Variants in ZNF84 observed in about 807,000 individuals in gnomAD.
ZNF84 encodes zinc finger protein 84.
ZNF84 carries 12 observed loss-of-function variants against 14.8 expected under a neutral mutation model. The ratio of observed to expected loss-of-function variants is 0.81; its 90% CI spans 0.52 to 1.31. ZNF84 has a LOEUF of 1.31. ZNF84 is among the 50% of genes most tolerant of loss of function. ZNF84 has a pLI of 0.00. For synonymous variants in ZNF84, 347 were observed against 291.1 expected (o/e 1.19, Z -1.96); for missense variants, 859 against 878.6 (o/e 0.98, Z 0.28).
In ZNF84 at chr12:133,057,679, A is replaced by G; in HGVS notation, c.964A>G (p.Asn322Asp). ...CACAGGAGAGAAACCCTATGGATGC[A>G]ATGAATGTGGGAGGGCCTTTAGTGA... is the stretch of plus-strand genomic sequence containing the variant. ...THTGEKPYGC[N>D]ECGRAFSEKS... The change falls in exon 5 of 5, where the codon AAT becomes GAT. Residue 322 changes from asparagine to aspartate, a missense_variant. Coordinates refer to ENST00000539354, the MANE Select transcript of ZNF84 (RefSeq NM_001289971.2). The G allele has an allele frequency of 6.2e-7, 1 of 1,614,080 alleles. No homozygotes were observed. Among genetic ancestry groups the G allele is most frequent in the Non-Finnish European group, 8.5e-7 (1 of 1,180,024 alleles).
chr12:133,049,996 C>T (rs1332840303), intron 4 of ZNF84, among the ~76,000 whole-genome samples: 4 of 152,350 alleles, frequency 2.6e-5, no homozygotes, highest in African/African-American at 9.6e-5. Context: ...GCATCCCACA[C>T]TACTCTGATC....
chr12:133,039,567 T>A (rs1953849697), intron 1 of ZNF84, among the ~76,000 whole-genome samples: 1 of 152,324 alleles, frequency 6.6e-6, no homozygotes, highest in East Asian at 1.9e-4. Context: ...TTAAACGCCT[T>A]ATAGGGTTGT....
chr12:133,056,499 T>C (rs1954161005), intron 4 of ZNF84, among the ~76,000 whole-genome samples: 1 of 152,124 alleles, frequency 6.6e-6, no homozygotes, highest in Admixed American at 6.5e-5. Flanking sequence ...ATGATCTGCC[T>C]GCCTCGGCCT....
At chr12:133,055,966 T>A (rs1288352296) in intron 4 of ZNF84, among the ~76,000 whole-genome samples, 2 of 152,170 alleles carry the variant, frequency 1.3e-5, no homozygotes, top group African/African-American at 2.4e-5. Context: ...CTGGGCATGG[T>A]GGTGCATGCC....
intron 2 of ZNF84, among the ~76,000 whole-genome samples, chr12:133,043,261 T>C (rs1953916828): frequency 6.6e-6 from 1 of 152,108 alleles, no homozygotes; most frequent in East Asian, 1.9e-4. Context: ...CACTGCAACC[T>C]CTGCCTCTAG....
rs1319802557 is a variant in ZNF84, at chr12:133,062,996, C to A, written c.*4064C>A. 29 of 658,942 alleles carry A rather than the reference C, an allele frequency of 4.4e-5. No homozygotes were observed. In the East Asian group the frequency reaches 7.9e-4, roughly 18 times the overall value. The allele number at this position is 658,942 out of a possible 1,614,324, so 40.8% of individuals were successfully genotyped here. A position where few individuals can be genotyped will look rare whatever the true frequency, so the allele number is the denominator to read the frequency against. ...ATCATTGCATGTTTTATCTTTCCCA[C>A]TAGAAAGCTTCTAGAAAGCTAGTAC... On this transcript the variant is annotated 3_prime_UTR_variant, in exon 5 of 5. Transcript: ENST00000539354.
At position 133,056,817 on chromosome 12, in the gene ZNF84, T is replaced by C. The variant is rs775178364; in HGVS notation, c.239-137T>C. On this transcript the variant is annotated intron_variant, in intron 4 of 4. Transcript: ENST00000539354. ...TGCAATACCTAGAAGATAGTTATTATACTTGGGACTTATTTCAGACTCGGA... is the reference window on the plus strand; with the variant it reads ...TGCAATACCTAGAAGATAGTTATTACACTTGGGACTTATTTCAGACTCGGA... 5,606 of 606,732 alleles carry C rather than the reference T, an allele frequency of 9.2e-3. 45 individuals are homozygous for C. The highest frequency in any genetic ancestry group is 0.013 in the Non-Finnish European group (4,621 of 358,500). The allele number at this position is 606,732 out of a possible 1,614,324, so 37.6% of individuals were successfully genotyped here.
chr12:133,058,524 T>C lies in ZNF84; in HGVS notation c.1809T>C (p.Leu603=), dbSNP rs1053989631. 3.7e-6 allele frequency: 6 copies of C among 1,613,856 alleles called. No homozygotes were observed. In the Admixed American group the frequency reaches 1.0e-4, roughly 27 times the overall value. Residue 603 remains leucine, a synonymous_variant, in exon 5 of 5, where the codon CTT becomes CTC. Coordinates refer to ENST00000539354, the MANE Select transcript of ZNF84 (RefSeq NM_001289971.2). ...GAGAGAAACCCTATGAATGCAGTCT[T>C]TGTAGGAAAGCTTTTTTTGAGAAGT... ...HTGEKPYECS[L]CRKAFFEKSE...
chr12:133,057,409 G>C lies in ZNF84; in HGVS notation c.694G>C (p.Asp232His). ...TAAACATCAGAGCAGACATATAAGA[G>C]ACATAGCCTTTGGCTGTGGTAATTG... Reference protein sequence around the residue: ...LIKHQSRHIRDIAFGCGNCGK... With the variant: ...LIKHQSRHIRHIAFGCGNCGK... The change falls in exon 5 of 5, where the codon GAC (aspartate) becomes CAC (histidine). Residue 232 changes from aspartate (D) to histidine (H), a missense_variant. Transcript: ENST00000539354. 6.2e-7 allele frequency: 1 copy of C among 1,614,170 alleles called. No homozygotes were observed. Among genetic ancestry groups the C allele is most frequent in the Non-Finnish European group, 8.5e-7 (1 of 1,180,040 alleles).
rs1224038735 is a variant in ZNF84 at position 133,048,813 on chromosome 12, T to A, written c.203T>A (p.Val68Glu). ...FKLEQGEEPW[V>E]GDGEIPSSDS... is the part of the protein sequence containing the mutation. Reference sequence around the variant, plus strand: ...TTGGAGCAAGGAGAAGAGCCGTGGGTAGGAGATGGAGAAATTCCAAGTTCA... The same window carrying A: ...TTGGAGCAAGGAGAAGAGCCGTGGGAAGGAGATGGAGAAATTCCAAGTTCA... Residue 68 changes from valine to glutamate, a missense_variant, in exon 4 of 5, where the codon GTA becomes GAA. Val to Glu is a moderately radical substitution (Grantham distance 121, BLOSUM62 -2). Coordinates refer to ENST00000539354, the MANE Select transcript of ZNF84 (RefSeq NM_001289971.2). The A allele has an allele frequency of 1.9e-6, 3 of 1,613,450 alleles. No individual in the cohort carries two copies. The highest frequency in any genetic ancestry group is 2.5e-6 in the Non-Finnish European group (3 of 1,179,800).
chr12:133,058,814 A>G lies in ZNF84; in HGVS notation c.2099A>G (p.Asn700Ser), dbSNP rs1391843693. 5.0e-6 allele frequency: 8 copies of G among 1,613,948 alleles called. No individual in the cohort carries two copies. The highest frequency in any genetic ancestry group is 4.4e-5 in the South Asian group (4 of 91,080). ...TTCTCTCAGAAGTCACAGCTGGTTAATCATCAGAGAATTCATACAGGAGAG... is the reference window on the plus strand; with the variant it reads ...TTCTCTCAGAAGTCACAGCTGGTTAGTCATCAGAGAATTCATACAGGAGAG... ...KAFSQKSQLVNHQRIHTGEKP... is the reference protein window; with the variant it reads ...KAFSQKSQLVSHQRIHTGEKP... The change falls in exon 5 of 5, where the codon AAT becomes AGT. Residue 700 changes from asparagine (N) to serine (S), a missense_variant. Coordinates refer to ENST00000539354, the MANE Select transcript of ZNF84 (RefSeq NM_001289971.2).
Position 133,057,579 on chromosome 12 carries a change from G to A in ZNF84, c.864G>A (p.Glu288=). 1 of 1,614,070 alleles carries A rather than the reference G, an allele frequency of 6.2e-7. No homozygotes were observed. The highest frequency in any genetic ancestry group is 8.5e-7 in the Non-Finnish European group (1 of 1,180,010). Residue 288 remains glutamate, a synonymous_variant, in exon 5 of 5, where the codon GAG becomes GAA. Transcript: ENST00000539354. ...LTSHQRTHTG[E]KPYECGECGK... ...CCCATCAGCGGACACATACAGGAGA[G>A]AAACCTTATGAGTGTGGTGAATGTG...
intron 1 of ZNF84, 96 bp from the exon 2 acceptor site, chr12:133,041,182 G>T: frequency 6.5e-6 from 3 of 459,700 alleles, no homozygotes; most frequent in Non-Finnish European, 7.7e-6. Context: ...GCGTACCTCT[G>T]GCCTTAGATG....
At chr12:133,055,057 A>T (rs1277157904) in intron 4 of ZNF84, among the ~76,000 whole-genome samples, 1 of 152,120 alleles carries the variant, frequency 6.6e-6, no homozygotes, top group Non-Finnish European at 1.5e-5. Flanking sequence ...ACATTCAGTA[A>T]CTCATTTGTC....
In ZNF84 at chr12:133,059,740, A is replaced by G. The variant is rs1954225671; in HGVS notation, c.*808A>G. 2 of 152,348 alleles carry G rather than the reference A, an allele frequency of 1.3e-5. No individual in the cohort carries two copies. Among genetic ancestry groups the G allele is most frequent in the East Asian group, 3.9e-4 (2 of 5,194 alleles). The allele number at this position is 152,348 out of a possible 1,614,324, so 9.4% of individuals were successfully genotyped here. ...TGCCTCTGATGTCTGTGAAGACAAC[A>G]CTACACACCACTGGTTTTTATTTTT... On this transcript the variant is annotated 3_prime_UTR_variant, in exon 5 of 5. Transcript: ENST00000539354.
At chr12:133,045,403 G>A (rs1305678466) in intron 2 of ZNF84, among the ~76,000 whole-genome samples, 4 of 152,194 alleles carry the variant, frequency 2.6e-5, no homozygotes, top group Non-Finnish European at 4.4e-5. Flanking sequence ...CCTGAGAGGC[G>A]GAGGTTGCAG....
At chr12:133,044,274 A>C (rs1466973876) in intron 2 of ZNF84, among the ~76,000 whole-genome samples, 1 of 151,898 alleles carries the variant, frequency 6.6e-6, no homozygotes, top group Non-Finnish European at 1.5e-5. Flanking sequence ...CCTCCCAAGT[A>C]GATGGGACTA....
chr12:133,046,193 G>A (rs1054647464), intron 2 of ZNF84, among the ~76,000 whole-genome samples: 7 of 151,798 alleles, frequency 4.6e-5, no homozygotes, highest in African/African-American at 1.7e-4. Context: ...TCCCTTTCTT[G>A]TAAGGTCTTT....
In ZNF84 at chr12:133,056,945, C is replaced by T; in HGVS notation, c.239-9C>T. On this transcript the variant is annotated splice_polypyrimidine_tract_variant and intron_variant, in intron 4 of 4. Coordinates refer to ENST00000539354, the MANE Select transcript of ZNF84 (RefSeq NM_001289971.2). The stretch of plus-strand genomic sequence containing the variant: ...ACAACCAAACAGATTGTTTTTGTTT[C>T]CTTTATAGAAGTCTGGAAAGTAGAT... The T allele has an allele frequency of 1.9e-6, 3 of 1,545,082 alleles. No individual in the cohort carries two copies. Among genetic ancestry groups the T allele is most frequent in the Admixed American group, 2.2e-5 (1 of 44,820 alleles).
Sources: allele counts gnomAD v4.1 joint callset (sites outside exome capture counted in the v4.1 genomes callset), GRCh38; gene constraint gnomAD v4.1.1; transcripts MANE v1.5; gene names NCBI Gene and HGNC (gene_info 2026-07-23, HGNC 2026-07-21).